DNM3: variants seen among roughly 807,000 people sequenced by gnomAD.
DNM3 encodes dynamin-3.
A neutral mutation model predicts 101.6 loss-of-function variants in DNM3; 47 were observed. The observed-to-expected ratio is 0.46, with a 90% confidence interval of 0.37 to 0.59. DNM3 has a LOEUF of 0.59. Ranked by LOEUF, DNM3 falls within the 20% of genes least tolerant of loss-of-function variation. The pLI is 0.00. For missense variants in DNM3, 849 were observed against 1,085.7 expected (o/e 0.78, Z 3.06); for synonymous variants, 385 against 387.9 (o/e 0.99, Z 0.09).
At chr1:172,192,723 T>C (rs2059781067) in intron 14 of DNM3, among the ~76,000 whole-genome samples, 4 of 152,028 alleles carry the variant, frequency 2.6e-5, no homozygotes, top group African/African-American at 9.7e-5. Context: ...TTTTTATGGC[T>C]GCATAGTATT....
chr1:171,895,072 A>G (rs2037658924), intron 1 of DNM3, among the ~76,000 whole-genome samples: 1 of 152,162 alleles, frequency 6.6e-6, no homozygotes, highest in Non-Finnish European at 1.5e-5. Flanking sequence ...AGTCTTTGCT[A>G]TTGTGAATAG....
intron 13 of DNM3, among the ~76,000 whole-genome samples, chr1:172,113,443 C>T (rs765249473): frequency 2.6e-5 from 4 of 151,930 alleles, no homozygotes; most frequent in African/African-American, 4.8e-5. Flanking sequence ...CATGGTGAAA[C>T]CCCATCTCTA....
At chr1:172,042,645 A>G (rs1317045693) in intron 8 of DNM3, among the ~76,000 whole-genome samples, 3 of 152,184 alleles carry the variant, frequency 2.0e-5, no homozygotes, top group Non-Finnish European at 4.4e-5. Context: ...TGAAGAGGTC[A>G]ACTGGGTAAA....
At chr1:172,194,939 G>A (rs2059892235) in intron 14 of DNM3, among the ~76,000 whole-genome samples, 1 of 152,056 alleles carries the variant, frequency 6.6e-6, no homozygotes, top group South Asian at 2.1e-4. Context: ...ATTAGTTGAT[G>A]CAGTTTCTTC....
chr1:171,941,450 C>T (rs2041809771), intron 2 of DNM3, among the ~76,000 whole-genome samples: 2 of 152,150 alleles, frequency 1.3e-5, no homozygotes, highest in Admixed American at 1.3e-4. Flanking sequence ...GGAAGGTATA[C>T]ATACTGCAAC....
intron 20 of DNM3, among the ~76,000 whole-genome samples, chr1:172,396,688 C>T (rs1316258404): frequency 6.6e-6 from 1 of 152,122 alleles, no homozygotes; most frequent in Non-Finnish European, 1.5e-5. Flanking sequence ...TCAAATATAC[C>T]ACTTGCTTCC....
chr1:172,286,358 CA>C (rs1441024662), intron 15 of DNM3, among the ~76,000 whole-genome samples: 1 of 152,154 alleles, frequency 6.6e-6, no homozygotes, highest in East Asian at 1.9e-4. Context: ...CTGCTTTCTT[CA>C]CCAGTTCCTT....
chr1:172,295,447 T>A (rs1262363042), intron 15 of DNM3, among the ~76,000 whole-genome samples: 1 of 152,122 alleles, frequency 6.6e-6, no homozygotes, highest in African/African-American at 2.4e-5. Flanking sequence ...TCTAGATAGA[T>A]TAGCAAATGT....
At chr1:172,070,881 A>G (rs1476379727) in intron 11 of DNM3, among the ~76,000 whole-genome samples, 1 of 151,576 alleles carries the variant, frequency 6.6e-6, no homozygotes, top group Non-Finnish European at 1.5e-5. Flanking sequence ...TGAGGTCAGG[A>G]GTTCGAGACC....
At chr1:172,164,914 C>T (rs2058693771) in intron 14 of DNM3, among the ~76,000 whole-genome samples, 1 of 152,030 alleles carries the variant, frequency 6.6e-6, no homozygotes, top group Non-Finnish European at 1.5e-5. Flanking sequence ...TTCTTCTAGT[C>T]ATTTGTTTCA....
At chr1:172,092,042 G>A (rs1028410321) in intron 12 of DNM3, among the ~76,000 whole-genome samples, 1 of 152,158 alleles carries the variant, frequency 6.6e-6, no homozygotes, top group African/African-American at 2.4e-5. Context: ...GTATGGTATA[G>A]AATTGCCATT....
chr1:172,204,575 C>T (rs184321998), intron 14 of DNM3, among the ~76,000 whole-genome samples: 5 of 152,280 alleles, frequency 3.3e-5, no homozygotes, highest in Admixed American at 6.5e-5. Context: ...ACCTATTGCT[C>T]TTCTGCATGT....
chr1:172,069,593 A>C (rs1042479368), intron 11 of DNM3, among the ~76,000 whole-genome samples: 1 of 152,216 alleles, frequency 6.6e-6, no homozygotes, highest in Admixed American at 6.5e-5. Flanking sequence ...CTTAGGTTTA[A>C]ATGGATTTTT....
intron 2 of DNM3, among the ~76,000 whole-genome samples, chr1:171,940,949 G>C (rs1571732438): frequency 6.6e-6 from 1 of 151,838 alleles, no homozygotes; most frequent in African/African-American, 2.4e-5. Flanking sequence ...TAGAATGTAG[G>C]TGTAATCTTT....
chr1:172,078,884 C>T (rs1339984691), intron 11 of DNM3, among the ~76,000 whole-genome samples: 1 of 152,158 alleles, frequency 6.6e-6, no homozygotes, highest in East Asian at 1.9e-4. Flanking sequence ...ACTTATGAAG[C>T]TTAGTTTAGC....
intron 14 of DNM3, among the ~76,000 whole-genome samples, chr1:172,204,705 C>A (rs2148498457): frequency 6.6e-6 from 1 of 152,238 alleles, no homozygotes; most frequent in African/African-American, 2.4e-5. Context: ...GCCTTCAAAT[C>A]CTGATGGTCT....
chr1:171,938,836 A>G (rs2041625823), intron 2 of DNM3, among the ~76,000 whole-genome samples: 1 of 152,164 alleles, frequency 6.6e-6, no homozygotes, highest in Admixed American at 6.6e-5. Flanking sequence ...GGGGAAAAAA[A>G]GGTAGTTGGT....
At chr1:172,360,372 C>T (rs1185320381) in intron 17 of DNM3, among the ~76,000 whole-genome samples, 5 of 152,006 alleles carry the variant, frequency 3.3e-5, no homozygotes, top group African/African-American at 9.7e-5. Flanking sequence ...TGCATTTTGA[C>T]TCCTCTTTGT....
intron 1 of DNM3, among the ~76,000 whole-genome samples, chr1:171,907,522 C>T (rs2038935154): frequency 6.6e-6 from 1 of 151,742 alleles, no homozygotes; most frequent in Admixed American, 6.6e-5. Flanking sequence ...TAAGTCAGGT[C>T]ATGTTACTCC....
Sources: gnomAD v4.1 joint callset for allele counts (sites outside exome capture counted in the v4.1 genomes callset) on GRCh38, gnomAD v4.1.1 for gene constraint, MANE v1.5 for transcripts, NCBI Gene and HGNC (gene_info 2026-07-23, HGNC 2026-07-21) for gene names.